CACNB2: variants seen among roughly 807,000 people sequenced by gnomAD.
CACNB2 encodes calcium voltage-gated channel auxiliary subunit beta 2.
Under a neutral mutation model 73.3 loss-of-function variants are expected in CACNB2, and 42 were observed. That is an observed-to-expected ratio of 0.57 (90% CI 0.45 to 0.74). The LOEUF is 0.74. CACNB2 is among the 30% of genes least tolerant of loss of function. The pLI is 0.00. For missense variants in CACNB2, 940 were observed against 853.0 expected (o/e 1.10, Z -1.27); for synonymous variants, 348 against 310.3 (o/e 1.12, Z -1.28).
At chr10:18,458,995 C>T (rs564702024) in intron 3 of CACNB2, among the ~76,000 whole-genome samples, 2 of 152,214 alleles carry the variant, frequency 1.3e-5, no homozygotes, top group South Asian at 2.1e-4. Context: ...GAACTCCTCA[C>T]CTCAGGTCAT....
chr10:18,311,279 A>C (rs754228829), intron 2 of CACNB2, among the ~76,000 whole-genome samples: 9 of 152,180 alleles, frequency 5.9e-5, no homozygotes, highest in Non-Finnish European at 1.3e-4. Context: ...CATTATAGGC[A>C]GGTGGCATGG....
At chr10:18,311,269 C>T (rs531032600) in intron 2 of CACNB2, among the ~76,000 whole-genome samples, 11 of 152,222 alleles carry the variant, frequency 7.2e-5, no homozygotes, top group African/African-American at 2.6e-4. Flanking sequence ...TACTTTGGTT[C>T]ATTATAGGCA....
chr10:18,261,907 G>A, intron 2 of CACNB2: 2 of 518,174 alleles, frequency 3.9e-6, no homozygotes, highest in Middle Eastern at 3.2e-4. Context: ...CTACAAGGCA[G>A]GCTCACACAA....
At chr10:18,356,380 C>T (rs1417584873) in intron 2 of CACNB2, among the ~76,000 whole-genome samples, 1 of 152,172 alleles carries the variant, frequency 6.6e-6, no homozygotes, top group Non-Finnish European at 1.5e-5. Context: ...CTCCAGCAAG[C>T]CAACTTCTTT....
intron 2 of CACNB2, among the ~76,000 whole-genome samples, chr10:18,155,865 A>C (rs2032001106): frequency 1.0e-5 from 1 of 97,168 alleles, no homozygotes; most frequent in Admixed American, 9.8e-5. Context: ...AGAGAGAATG[A>C]GAGAGAGAGG....
chr10:18,383,361 C>T (rs890572658), intron 2 of CACNB2, among the ~76,000 whole-genome samples: 1 of 152,132 alleles, frequency 6.6e-6, no homozygotes, highest in Non-Finnish European at 1.5e-5. Flanking sequence ...TATAGAGGGG[C>T]TAGCAGAAGT....
chr10:18,431,104 T>A (rs951809285), intron 3 of CACNB2, among the ~76,000 whole-genome samples: 1 of 152,100 alleles, frequency 6.6e-6, no homozygotes, highest in Non-Finnish European at 1.5e-5. Flanking sequence ...CACCTCAGTC[T>A]CCAGGGTAGC....
At chr10:18,239,491 G>C (rs1171585946) in intron 2 of CACNB2, among the ~76,000 whole-genome samples, 3 of 152,040 alleles carry the variant, frequency 2.0e-5, no homozygotes, top group Non-Finnish European at 4.4e-5. Flanking sequence ...TTAAGGGTTG[G>C]GTAGTATTCC....
intron 2 of CACNB2, among the ~76,000 whole-genome samples, chr10:18,281,038 G>A (rs1053999027): frequency 2.6e-5 from 4 of 152,178 alleles, no homozygotes; most frequent in Non-Finnish European, 4.4e-5. Flanking sequence ...ATATTTTGTA[G>A]GTTGAGGTGT....
chr10:18,428,803 A>T (rs914485295), intron 3 of CACNB2, among the ~76,000 whole-genome samples: 2 of 152,308 alleles, frequency 1.3e-5, no homozygotes, highest in African/African-American at 4.8e-5. Flanking sequence ...TGGATACCTT[A>T]GAAATTTCAG....
intron 3 of CACNB2, among the ~76,000 whole-genome samples, chr10:18,406,321 A>G (rs951555061): frequency 6.6e-6 from 1 of 152,198 alleles, no homozygotes; most frequent in East Asian, 1.9e-4. Flanking sequence ...GTGGCTTAAA[A>G]GTAGACCTCA....
intron 3 of CACNB2, among the ~76,000 whole-genome samples, chr10:18,487,155 G>C (rs1172116897): frequency 6.6e-6 from 1 of 152,100 alleles, no homozygotes; most frequent in Non-Finnish European, 1.5e-5. Flanking sequence ...CATGCAGATG[G>C]GGTCTCAACC....
At chr10:18,400,643 T>C in intron 2 of CACNB2, 1 of 852,514 alleles carries the variant, frequency 1.2e-6, no homozygotes, top group Non-Finnish European at 1.4e-6. Flanking sequence ...TGCACTAGTT[T>C]TTTTTTTTTT....
At chr10:18,410,440 C>G (rs1268930841) in intron 3 of CACNB2, among the ~76,000 whole-genome samples, 1 of 152,192 alleles carries the variant, frequency 6.6e-6, no homozygotes, top group African/African-American at 2.4e-5. Context: ...ATTCCCCTAA[C>G]TAGCCTTTGA....
intron 4 of CACNB2, 120 bp from the exon 5 acceptor site, chr10:18,500,692 A>G (rs2050146827): frequency 3.0e-6 from 3 of 1,008,758 alleles, no homozygotes; most frequent in African/African-American, 3.2e-5. Flanking sequence ...TTCTTGAATG[A>G]TAATATTTAA....
chr10:18,512,234 C>T (rs1029478405), intron 6 of CACNB2, among the ~76,000 whole-genome samples: 1 of 152,168 alleles, frequency 6.6e-6, no homozygotes, highest in Admixed American at 6.5e-5. Context: ...CGTGCCCTTC[C>T]ACTCTGCCTC....
intron 2 of CACNB2, among the ~76,000 whole-genome samples, chr10:18,234,655 C>A (rs570553227): frequency 2.0e-5 from 3 of 152,184 alleles, no homozygotes; most frequent in African/African-American, 7.2e-5. Flanking sequence ...ACTTGAGGTA[C>A]GTAGAGAAGA....
rs775838783 is a variant in CACNB2 at position 18,539,402 on chromosome 10, C to T, written c.1661C>T (p.Thr554Ile). 4 of 1,613,978 alleles carry T rather than the reference C, an allele frequency of 2.5e-6. No individual in the cohort carries two copies. The African/African-American group carries it at 4.0e-5, about 16-fold the overall frequency. The change falls in exon 14 of 14, where the codon ACA becomes ATA. Residue 554 changes from threonine to isoleucine, a missense_variant. Thr to Ile is a moderately conservative substitution (Grantham distance 89). Coordinates refer to ENST00000324631, the MANE Select transcript of CACNB2 (RefSeq NM_201596.3). ...GTSRGLSRQE[T>I]FDSETQESRD... ...AGTCGCGGCCTCTCCAGGCAAGAGA[C>T]ATTTGACTCGGAAACCCAGGAGAGT...
chr10:18,404,231 GT>G (rs1200838633), intron 3 of CACNB2, among the ~76,000 whole-genome samples: 2 of 152,018 alleles, frequency 1.3e-5, no homozygotes, highest in Non-Finnish European at 2.9e-5. Flanking sequence ...ATTTAAATAT[GT>G]CTCAAAAGAA....
Sources: allele counts gnomAD v4.1 joint callset (sites outside exome capture counted in the v4.1 genomes callset), GRCh38; gene constraint gnomAD v4.1.1; transcripts MANE v1.5; gene names NCBI Gene and HGNC (gene_info 2026-07-23, HGNC 2026-07-21).